Variants in ING3 observed in about 807,000 individuals in gnomAD.
ING3 encodes inhibitor of growth protein 3.
A neutral mutation model predicts 64.8 loss-of-function variants in ING3; 6 were observed. The observed-to-expected ratio is 0.09, with a 90% confidence interval of 0.05 to 0.18. ING3 has a LOEUF of 0.18. Ranked by LOEUF, ING3 falls within the 10% of genes least tolerant of loss-of-function variation. ING3 has a pLI of 1.00. For missense variants in ING3, 310 were observed against 489.7 expected (o/e 0.63, Z 3.46); for synonymous variants, 170 against 173.7 (o/e 0.98, Z 0.17).
At chr7:120,953,761 A>T (rs1203237531) in intron 3 of ING3, among the ~76,000 whole-genome samples, 1 of 152,202 alleles carries the variant, frequency 6.6e-6, no homozygotes, top group Non-Finnish European at 1.5e-5. Flanking sequence ...AATATTTTAT[A>T]TATTGCTAGG....
At chr7:120,951,009 G>T in intron 1 of ING3, 85 bp downstream of exon 1, 1 of 1,526,032 alleles carries the variant, frequency 6.6e-7, no homozygotes, top group South Asian at 1.1e-5. Flanking sequence ...GATGGCGGGA[G>T]GGAGGGGGCG....
At chr7:120,953,652 CT>C (rs1367039305) in intron 3 of ING3, among the ~76,000 whole-genome samples, 1 of 151,960 alleles carries the variant, frequency 6.6e-6, no homozygotes, top group Non-Finnish European at 1.5e-5. Context: ...TTAAAAGTTA[CT>C]TTTTTTTCTA....
Position 120,975,389 on chromosome 7 carries a change from T to G in ING3, c.*545T>G, listed in dbSNP as rs1441946519. 1 of 151,918 alleles carries G rather than the reference T, an allele frequency of 6.6e-6. No individual in the cohort carries two copies. The highest frequency in any genetic ancestry group is 1.9e-4 in the East Asian group (1 of 5,170). 9.4% of individuals were successfully genotyped at this position (151,918 alleles called of 1,614,324 possible). ...AACTAATTCAGCAGGCTGAAGGAAA[T>G]GGTTCATGTGATAATGTGGGCTGGT... On this transcript the variant is annotated 3_prime_UTR_variant, in exon 12 of 12. Transcript: ENST00000315870.
In ING3 at chr7:120,964,882, G is replaced by T. The variant is rs370058551; in HGVS notation, c.364+44G>T. ...TTTCCATCAATATTGGACAGTACAT[G>T]TGCAAATCGCTGAGAAGACCTTGTC... On this transcript the variant is annotated intron_variant, in intron 5 of 11. Coordinates refer to ENST00000315870, the MANE Select transcript of ING3 (RefSeq NM_019071.3). 4.7e-6 allele frequency: 7 copies of T among 1,480,556 alleles called. No individual in the cohort carries two copies. The African/African-American group carries it at 5.5e-5, about 12-fold the overall frequency. The allele number at this position is 1,480,556 out of a possible 1,614,324, so 91.7% of individuals were successfully genotyped here.
intron 6 of ING3, 34 bp downstream of exon 6, chr7:120,966,731 A>G: frequency 1.4e-6 from 2 of 1,440,612 alleles, no homozygotes; most frequent in Non-Finnish European, 2.0e-6. Flanking sequence ...AGTTTTAAAA[A>G]CAATGAAAAC....
chr7:120,974,922 A>G lies in ING3; in HGVS notation c.*78A>G, dbSNP rs931515596. The G allele has an allele frequency of 1.6e-5, 16 of 1,013,494 alleles. No homozygotes were observed. Among genetic ancestry groups the G allele is most frequent in the Non-Finnish European group, 2.2e-5 (15 of 681,616 alleles). The allele number at this position is 1,013,494 out of a possible 1,614,324, so 62.8% of individuals were successfully genotyped here. The stretch of plus-strand genomic sequence containing the variant: ...AGGACTTTAAAAAGAAGAGAAGAGA[A>G]AGAAGAAACAATGCATTTCCAGGCA... On this transcript the variant is annotated 3_prime_UTR_variant, in exon 12 of 12. Transcript: ENST00000315870.
intron 4 of ING3, chr7:120,956,418 G>T: frequency 8.0e-7 from 1 of 1,249,964 alleles, no homozygotes; most frequent in Non-Finnish European, 1.0e-6. Context: ...ACAAGTACGT[G>T]TAAGTAAAAT....
Position 120,964,756 on chromosome 7 carries a change from G to A in ING3, c.282G>A (p.Leu94=). 6.2e-7 allele frequency: 1 copy of A among 1,613,598 alleles called. No homozygotes were observed. Among genetic ancestry groups the A allele is most frequent in the Non-Finnish European group, 8.5e-7 (1 of 1,179,652 alleles). The change falls in exon 5 of 12, where the codon TTG becomes TTA. Residue 94 remains leucine (L), a synonymous_variant. Transcript: ENST00000315870. ...NQIYDLVDRH[L]RKLDQELAKF... Reference sequence around the variant, plus strand: ...CTTTGAAACAGGTAGATCGACACTTGAGAAAGCTGGATCAGGAACTGGCTA... The same window carrying A: ...CTTTGAAACAGGTAGATCGACACTTAAGAAAGCTGGATCAGGAACTGGCTA...
At position 120,969,134 on chromosome 7, in the gene ING3, G is replaced by T. The variant is rs1796035564; in HGVS notation, c.838G>T (p.Ala280Ser). 1.9e-6 allele frequency: 3 copies of T among 1,613,864 alleles called. No individual in the cohort carries two copies. The highest frequency in any genetic ancestry group is 3.3e-5 in the Admixed American group (2 of 59,980). The change falls in exon 9 of 12, where the codon GCA becomes TCA. Residue 280 changes from alanine to serine, a missense_variant. Transcript: ENST00000315870. ...RETVGYSSSS[A>S]LMTTLTQNAS... ...AACAGTTGGCTATTCATCATCTTCG[G>T]CACTTATGACAACATTAACACAGAA...
intron 8 of ING3, 21 bp from the exon 9 acceptor site, chr7:120,968,990 A>G (rs551058953): frequency 2.1e-5 from 32 of 1,515,178 alleles, no homozygotes; most frequent in East Asian, 2.3e-5. Context: ...TATTGATGCT[A>G]TCAATGAATG....
intron 2 of ING3, among the ~76,000 whole-genome samples, chr7:120,952,506 C>T (rs567060515): frequency 6.6e-6 from 1 of 152,238 alleles, no homozygotes; most frequent in African/African-American, 2.4e-5. Context: ...ATATTACAGG[C>T]TTTTTAAACG....
In ING3 at chr7:120,950,883, C is replaced by T. The variant is rs936076674; in HGVS notation, c.-14C>T. 2 of 1,613,608 alleles carry T rather than the reference C, an allele frequency of 1.2e-6. No individual in the cohort carries two copies. The highest frequency in any genetic ancestry group is 8.5e-7 in the Non-Finnish European group (1 of 1,179,808). ...CCCCTGGACCCCCTTGTTCCCTCAG[C>T]TCTAAGGGCCGCGATGTTGTACCTA... On this transcript the variant is annotated 5_prime_UTR_variant, in exon 1 of 12. Coordinates refer to ENST00000315870, the MANE Select transcript of ING3 (RefSeq NM_019071.3).
chr7:120,953,750 G>A (rs1388635337), intron 3 of ING3, among the ~76,000 whole-genome samples: 1 of 152,136 alleles, frequency 6.6e-6, no homozygotes, highest in African/African-American at 2.4e-5. Context: ...AGACCTTGAA[G>A]AATATTTTAT....
At chr7:120,958,865 G>A (rs868631827) in intron 4 of ING3, among the ~76,000 whole-genome samples, 4 of 152,164 alleles carry the variant, frequency 2.6e-5, no homozygotes, top group South Asian at 2.1e-4. Flanking sequence ...TTCTCATTCA[G>A]ACTCTTTGAC....
intron 5 of ING3, among the ~76,000 whole-genome samples, chr7:120,965,677 G>T (rs1241432849): frequency 1.3e-5 from 2 of 151,984 alleles, no homozygotes; most frequent in East Asian, 3.9e-4. Context: ...TCTTTACAGT[G>T]CCAATCTATG....
intron 5 of ING3, among the ~76,000 whole-genome samples, chr7:120,965,441 GT>G (rs1164210918): frequency 2.0e-5 from 3 of 152,090 alleles, no homozygotes; most frequent in African/African-American, 7.2e-5. Flanking sequence ...CATGAGCACT[GT>G]TTCCTTAACT....
Position 120,976,998 on chromosome 7 carries a change from C to T in ING3, c.*2154C>T, listed in dbSNP as rs896773925. The T allele has an allele frequency of 1.3e-5, 2 of 152,154 alleles. No individual in the cohort carries two copies. Among genetic ancestry groups the T allele is most frequent in the Admixed American group, 1.3e-4 (2 of 15,272 alleles). 9.4% of individuals were successfully genotyped at this position (152,154 alleles called of 1,614,324 possible). On this transcript the variant is annotated 3_prime_UTR_variant, in exon 12 of 12. Transcript: ENST00000315870. ...GGCCAACTATTAATATTCTTTGTGA[C>T]ATTTACACCAAGGGGCATAGTAAGT...
chr7:120,968,862 AAAAG>A, intron 8 of ING3, 145 bp from the exon 9 acceptor site: 1 of 557,134 alleles, frequency 1.8e-6, no homozygotes, highest in South Asian at 3.2e-5. Context: ...AAAAAAAAAA[AAAAG>A]CTTAAATTCC....
chr7:120,962,891 AT>A (rs1795951631), intron 4 of ING3, among the ~76,000 whole-genome samples: 1 of 152,138 alleles, frequency 6.6e-6, no homozygotes, highest in African/African-American at 2.4e-5. Context: ...TATATTAAAA[AT>A]CATATATAAA....
Sources: gnomAD v4.1 joint callset for allele counts (sites outside exome capture counted in the v4.1 genomes callset) on GRCh38, gnomAD v4.1.1 for gene constraint, MANE v1.5 for transcripts, NCBI Gene and HGNC (gene_info 2026-07-23, HGNC 2026-07-21) for gene names.